The following SSBP4 variants were observed in gnomAD, a reference collection of about 807,000 sequenced individuals.
The protein encoded by SSBP4 is single stranded DNA binding protein 4.
A neutral mutation model predicts 64.6 loss-of-function variants in SSBP4; 33 were observed. The ratio of observed to expected loss-of-function variants is 0.51; its 90% CI spans 0.39 to 0.68. The LOEUF is 0.68. Ranked by LOEUF, SSBP4 falls within the 30% of genes least tolerant of loss-of-function variation. The pLI is 0.00. For synonymous variants in SSBP4, 243 were observed against 224.0 expected, an observed-to-expected ratio of 1.08 and a Z score of -0.76; for missense variants, 583 against 566.8, an observed-to-expected ratio of 1.03 and a Z score of -0.29.
Position 18,432,550 on chromosome 19 carries a change from C to G in SSBP4, c.705-9C>G. 2 of 1,568,526 alleles carry G rather than the reference C, an allele frequency of 1.3e-6. No individual in the cohort carries two copies. The highest frequency in any genetic ancestry group is 1.4e-5 in the African/African-American group (1 of 73,442). On this transcript the variant is annotated splice_polypyrimidine_tract_variant and intron_variant, in intron 10 of 17. Coordinates refer to ENST00000270061, the MANE Select transcript of SSBP4 (RefSeq NM_032627.5). ...AGCCCCAGAGTCTGTCATCCGCGGT[C>G]TCTTCCAGGGGCCCAGGAGTTCGTG...
In SSBP4 at chr19:18,426,776, C is replaced by A. The variant is rs1972886276; in HGVS notation, c.60-575C>A. Among the ~76,000 whole-genome samples, 1 of 152,170 alleles carries A rather than the reference C, an allele frequency of 6.6e-6. No individual in the cohort carries two copies. Among genetic ancestry groups the A allele is most frequent in the African/African-American group, 2.4e-5 (1 of 41,436 alleles). ...GCAGGCCCTACCTCCCCTGGCCCCC[C>A]ACCTCCATTCCCCAGACATTGCCCC... On this transcript the variant is annotated intron_variant, in intron 1 of 17. Coordinates refer to ENST00000270061, the MANE Select transcript of SSBP4 (RefSeq NM_032627.5). The surrounding 1 kb of genome is among the most constrained non-coding windows in gnomAD (Gnocchi z 4.5).
intron 14 of SSBP4, 35 bp from the exon 15 acceptor site, chr19:18,433,100 G>C: frequency 1.2e-6 from 2 of 1,613,202 alleles, no homozygotes; most frequent in Non-Finnish European, 1.7e-6. Context: ...TGGGGAATGG[G>C]TGGCCCGAGT....
rs1242680914 is a variant in SSBP4, at chr19:18,433,630, C to T, written c.1020+17C>T. 6.6e-6 allele frequency: 8 copies of T among 1,215,072 alleles called. No individual in the cohort carries two copies. Among genetic ancestry groups the T allele is most frequent in the South Asian group, 3.0e-5 (2 of 67,724 alleles). 75.3% of individuals were successfully genotyped at this position (1,215,072 alleles called of 1,614,324 possible). On this transcript the variant is annotated intron_variant, in intron 16 of 17. Transcript: ENST00000270061. ...TTGCCGAAGGTAAGGAGGCTGCGCTCTTGCCGGGGGTGGGATCCGGGGGGG... is the reference window on the plus strand; with the variant it reads ...TTGCCGAAGGTAAGGAGGCTGCGCTTTTGCCGGGGGTGGGATCCGGGGGGG...
upstream of SSBP4, among the ~76,000 whole-genome samples, chr19:18,418,207 C>T (rs1972204345): frequency 6.6e-6 from 1 of 152,202 alleles, no homozygotes; most frequent in Non-Finnish European, 1.5e-5. This position sits in a 1 kb window ranked among gnomAD's most constrained non-coding sequence, Gnocchi z 6.7. Flanking sequence ...AGGATGCACA[C>T]GTGCACTCAC....
In SSBP4 at chr19:18,423,875, G is replaced by T. The variant is rs1972638509; in HGVS notation, c.60-3476G>T. Among the ~76,000 whole-genome samples, 2 of 152,268 alleles carry T rather than the reference G, an allele frequency of 1.3e-5. No individual in the cohort carries two copies. The highest frequency in any genetic ancestry group is 3.4e-3 in the Middle Eastern group (1 of 294). ...GAGAGGTTGTACCGGCCCAGGGCAGGTGGCCGGTGGGGGGCAGAGGGCATG... is the reference window on the plus strand; with the variant it reads ...GAGAGGTTGTACCGGCCCAGGGCAGTTGGCCGGTGGGGGGCAGAGGGCATG... On this transcript the variant is annotated intron_variant, in intron 1 of 17. Coordinates refer to ENST00000270061, the MANE Select transcript of SSBP4 (RefSeq NM_032627.5). This position sits in a 1 kb window ranked among gnomAD's most constrained non-coding sequence, Gnocchi z 4.0.
chr19:18,433,838 C>A, intron 17 of SSBP4, 21 bp downstream of exon 17: 1 of 1,374,274 alleles, frequency 7.3e-7, no homozygotes, highest in Non-Finnish European at 9.3e-7. Flanking sequence ...GCGTCGACTC[C>A]CCCCCCGCGG....
chr19:18,408,095 G>A, the SSBP4 span, among the ~76,000 whole-genome samples: 2 of 152,164 alleles, frequency 1.3e-5, no homozygotes, highest in Admixed American at 6.5e-5. Context: ...TGGGAGAGTC[G>A]TGGGGAAATA....
At position 18,433,157 on chromosome 19, in the gene SSBP4, A is replaced by T; in HGVS notation, c.935A>T (p.Glu312Val). Residue 312 changes from glutamate to valine, a missense_variant, in exon 15 of 18, where the codon GAG becomes GTG. Transcript: ENST00000270061. ...RANFPLGPGP[E>V]GPMAAMSAME... Reference sequence around the variant, plus strand: ...CAGTTCCCGCTCGGCCCTGGCCCGGAGGGCCCCATGGCCGCCATGAGCGCG... The same window carrying T: ...CAGTTCCCGCTCGGCCCTGGCCCGGTGGGCCCCATGGCCGCCATGAGCGCG... The T allele has an allele frequency of 6.3e-7, 1 of 1,599,676 alleles. No individual in the cohort carries two copies.
the SSBP4 span, among the ~76,000 whole-genome samples, chr19:18,410,063 G>C: frequency 1.3e-5 from 2 of 152,156 alleles, no homozygotes; most frequent in Admixed American, 6.5e-5. Context: ...GCACGATCTC[G>C]GCTCACTGCA....
chr19:18,403,084 T>C, the SSBP4 span, among the ~76,000 whole-genome samples: 3 of 152,242 alleles, frequency 2.0e-5, no homozygotes, highest in African/African-American at 7.2e-5. Context: ...GCAATGCTGC[T>C]CTGTTACTCT....
intron 4 of SSBP4, 58 bp from the exon 5 acceptor site, chr19:18,430,783 A>G: frequency 6.7e-7 from 1 of 1,491,320 alleles, no homozygotes; most frequent in Non-Finnish European, 9.1e-7. Flanking sequence ...GGCACACCCC[A>G]GGTAGGAAGT....
the SSBP4 span, among the ~76,000 whole-genome samples, chr19:18,411,493 T>C: frequency 6.6e-6 from 1 of 151,764 alleles, no homozygotes; most frequent in East Asian, 1.9e-4. Context: ...AGACTTCGTC[T>C]TAAAGAAAAA....
chr19:18,433,666 G>GGGGGC, intron 16 of SSBP4, 44 bp from the exon 17 acceptor site: 10 of 1,348,956 alleles, frequency 7.4e-6, no homozygotes, highest in South Asian at 3.5e-5. Flanking sequence ...GTGGCGGGGA[G>GGGGGC]GGGGCGGGGC....
intron 6 of SSBP4, 80 bp downstream of exon 6, chr19:18,431,498 G>A: frequency 2.5e-6 from 3 of 1,205,860 alleles, no homozygotes; most frequent in South Asian, 1.4e-5. Context: ...CAAGCCATGA[G>A]GTCCTGGCTG....
intron 17 of SSBP4, 70 bp from the exon 18 acceptor site, chr19:18,434,147 T>G: frequency 6.3e-7 from 1 of 1,578,450 alleles, no homozygotes; most frequent in Non-Finnish European, 8.6e-7. Context: ...CCATTGTCCC[T>G]GGGGGCGGGT....
At chr19:18,418,107 C>A (rs149769382), upstream of SSBP4, among the ~76,000 whole-genome samples, 7 of 152,232 alleles carry the variant, frequency 4.6e-5, no homozygotes, top group Non-Finnish European at 7.4e-5. The surrounding 1 kb of genome is among the most constrained non-coding windows in gnomAD (Gnocchi z 6.7). Flanking sequence ...CGACTCGGCC[C>A]GACTCGGACC....
upstream of SSBP4, among the ~76,000 whole-genome samples, chr19:18,417,783 A>G (rs1275813499): frequency 2.0e-5 from 3 of 151,710 alleles, no homozygotes; most frequent in Non-Finnish European, 4.4e-5. The surrounding 1 kb of genome is among the most constrained non-coding windows in gnomAD (Gnocchi z 5.4). Context: ...CTCGGGGAGG[A>G]GGCGGGGCTG....
chr19:18,430,495 G>T (rs1973271360), intron 4 of SSBP4, among the ~76,000 whole-genome samples: 1 of 152,192 alleles, frequency 6.6e-6, no homozygotes, highest in Non-Finnish European at 1.5e-5. Flanking sequence ...CCTTCAGGGA[G>T]GCTCTTGAAA....
In SSBP4 at chr19:18,431,229, C is replaced by G. The variant is rs1973348754; in HGVS notation, c.370-124C>G. 3.9e-5 allele frequency: 24 copies of G among 614,262 alleles called. No individual in the cohort carries two copies. The South Asian group carries it at 4.6e-4, about 12-fold the overall frequency. The allele number at this position is 614,262 out of a possible 1,614,324, so 38.1% of individuals were successfully genotyped here. The stretch of plus-strand genomic sequence containing the variant: ...CTGGTGCCTGAGTCCTGCCCTCAAG[C>G]CTTCCCACAAGGTCCCTGTCCCACA... On this transcript the variant is annotated intron_variant, in intron 5 of 17. Coordinates refer to ENST00000270061, the MANE Select transcript of SSBP4 (RefSeq NM_032627.5).
Sources: allele counts gnomAD v4.1 joint callset (sites outside exome capture counted in the v4.1 genomes callset), GRCh38; gene constraint gnomAD v4.1.1; non-coding constraint Gnocchi (gnomAD v3.1); transcripts MANE v1.5; gene names NCBI Gene and HGNC (gene_info 2026-07-23, HGNC 2026-07-21).